Variants in ADCY10 observed in about 807,000 individuals in gnomAD.
ADCY10 encodes the protein adenylate cyclase type 10.
In ADCY10, 156 loss-of-function variants were observed where a neutral mutation model predicts 183.3. The observed-to-expected ratio is 0.85, with a 90% CI of 0.75 to 0.97. The LOEUF (loss-of-function observed/expected upper bound fraction) is 0.97, where lower values mean the gene tolerates loss of function less well. Among genes scored for constraint, ADCY10 ranks in the 50% least tolerant of loss-of-function variants. ADCY10 has a pLI of 0.00. For missense variants in ADCY10, 1,745 were observed against 1,934.3 expected (o/e 0.90, Z 1.84); for synonymous variants, 645 against 670.0 (o/e 0.96, Z 0.58).
chr1:167,829,342 A>G lies in ADCY10; in HGVS notation c.3675T>C (p.Phe1225=). 1.2e-6 allele frequency: 2 copies of G among 1,614,190 alleles called. No homozygotes were observed. The highest frequency in any genetic ancestry group is 2.2e-5 in the South Asian group (2 of 91,078). Residue 1225 remains phenylalanine, a synonymous_variant, in exon 26 of 33, where the codon TTT becomes TTC. Transcript: ENST00000367851. ...LWRIYSYSYL[F]HCKYYAHLAV... Reference sequence around the variant, plus strand: ...CCAGGTGGGCATAATACTTGCAGTGAAAAAGATAACTGTAGCTATAGATGC... The same window carrying G: ...CCAGGTGGGCATAATACTTGCAGTGGAAAAGATAACTGTAGCTATAGATGC...
In ADCY10 at chr1:167,848,121, G is replaced by T. The variant is rs112827184; in HGVS notation, c.2437+240C>A. Among the ~76,000 whole-genome samples the T allele has an allele frequency of 9.9e-5, 15 of 151,664 alleles. 1 individual carries two copies. Among genetic ancestry groups the T allele is most frequent in the Admixed American group, 9.2e-4 (14 of 15,242 alleles). ...CTCACTCTGTCACCCAGGCTGGAGT[G>T]CAGTGGCTCACTGCAACCTCCGCCT... On this transcript the variant is annotated intron_variant, in intron 19 of 32. Transcript: ENST00000367851.
chr1:167,810,306 A>T (rs1662122604), intron 32 of ADCY10, among the ~76,000 whole-genome samples: 1 of 152,198 alleles, frequency 6.6e-6, no homozygotes, highest in Non-Finnish European at 1.5e-5. Flanking sequence ...AGAAAGGCCT[A>T]TGGTGACTGC....
In ADCY10 at chr1:167,856,348, G is replaced by A; in HGVS notation, c.1988C>T (p.Thr663Ile). ...GGACATAATGATGAAGATAGGAAGA[G>A]TCCGGATAAGCTTCTCCATAAATCT... ...SWRFMEKLIRTLPIFIIMSLC... is the reference protein window; with the variant it reads ...SWRFMEKLIRILPIFIIMSLC... The change falls in exon 17 of 33, where the codon ACT becomes ATT. Residue 663 changes from threonine (T) to isoleucine (I), a missense_variant. Physicochemically the swap from Thr to Ile is moderately conservative, Grantham distance 89. Transcript: ENST00000367851. 1.2e-6 allele frequency: 2 copies of A among 1,614,078 alleles called. No individual in the cohort carries two copies. The highest frequency in any genetic ancestry group is 8.5e-7 in the Non-Finnish European group (1 of 1,179,984).
rs554435277 is a variant in ADCY10 at position 167,880,216 on chromosome 1, T to A, written c.1140-25A>T. On this transcript the variant is annotated intron_variant, in intron 10 of 32. Transcript: ENST00000367851. Reference sequence around the variant, plus strand: ...TCTGGTGCAGGGGAGACAAGATTTGTGGGGAAAGAAATAAAGATAATGAGC... The same window carrying A: ...TCTGGTGCAGGGGAGACAAGATTTGAGGGGAAAGAAATAAAGATAATGAGC... 3 of 1,592,478 alleles carry A rather than the reference T, an allele frequency of 1.9e-6. No homozygotes were observed. The Admixed American group carries it at 5.1e-5, about 27-fold the overall frequency.
At chr1:167,833,545 A>G (rs1359773639) in intron 24 of ADCY10, among the ~76,000 whole-genome samples, 2 of 152,212 alleles carry the variant, frequency 1.3e-5, no homozygotes, top group Non-Finnish European at 2.9e-5. Context: ...CAGGAGTTTG[A>G]GACCAGCCTG....
At chr1:167,870,191 A>C (rs1666994496) in intron 14 of ADCY10, 66 bp downstream of exon 14, 1 of 1,564,590 alleles carries the variant, frequency 6.4e-7, no homozygotes, top group African/African-American at 1.4e-5. Context: ...TATAGGAAGG[A>C]GAGGAGCATC....
At position 167,809,649 on chromosome 1, in the gene ADCY10, G is replaced by T. The variant is rs1320676984; in HGVS notation, c.*29C>A. The T allele has an allele frequency of 6.2e-7, 1 of 1,611,512 alleles. No individual in the cohort carries two copies. Among genetic ancestry groups the T allele is most frequent in the Non-Finnish European group, 8.5e-7 (1 of 1,177,616 alleles). On this transcript the variant is annotated 3_prime_UTR_variant, in exon 33 of 33. Transcript: ENST00000367851. The stretch of plus-strand genomic sequence containing the variant: ...TAATAGATAATCACAAGGACATAGT[G>T]CTTATTAAAATCTTTTTTCTTTGAC...
At chr1:167,896,371 A>T (rs1023773966) in intron 7 of ADCY10, among the ~76,000 whole-genome samples, 2 of 152,128 alleles carry the variant, frequency 1.3e-5, no homozygotes, top group African/African-American at 4.8e-5. Context: ...TGTTTGATGG[A>T]TGAGGGAAAG....
At position 167,859,905 on chromosome 1, in the gene ADCY10, A is replaced by G; in HGVS notation, c.1810-12T>C. On this transcript the variant is annotated splice_polypyrimidine_tract_variant and intron_variant, in intron 15 of 32. Coordinates refer to ENST00000367851, the MANE Select transcript of ADCY10 (RefSeq NM_018417.6). ...CGAGAAATAGGGAACTGTACAAAGA[A>G]TTATGAGAATATTGAGTATGGGAAA... The G allele has an allele frequency of 3.8e-6, 6 of 1,592,628 alleles. No individual in the cohort carries two copies. Among genetic ancestry groups the G allele is most frequent in the Non-Finnish European group, 5.2e-6 (6 of 1,160,422 alleles).
At chr1:167,813,174 ATAAACT>A (rs1164468836) in intron 31 of ADCY10, among the ~76,000 whole-genome samples, 2 of 152,196 alleles carry the variant, frequency 1.3e-5, no homozygotes, top group Non-Finnish European at 2.9e-5. Context: ...TCCAAGTAAG[ATAAACT>A]TAAAGAGATA....
At chr1:167,882,534 G>C (rs1362270506) in intron 9 of ADCY10, among the ~76,000 whole-genome samples, 2 of 151,198 alleles carry the variant, frequency 1.3e-5, no homozygotes, top group Non-Finnish European at 2.9e-5. Flanking sequence ...GGGAGCCAGA[G>C]GCAGTCCCCT....
chr1:167,824,548 G>T lies in ADCY10; in HGVS notation c.3980C>A (p.Ala1327Glu). Residue 1327 changes from alanine (A) to glutamate (E), a missense_variant, in exon 28 of 33, where the codon GCA becomes GAA. By Grantham distance (107) the Ala-to-Glu change is moderately radical (BLOSUM62 -1). Coordinates refer to ENST00000367851, the MANE Select transcript of ADCY10 (RefSeq NM_018417.6). ...ELGSRALQMWALLQNPNRHYQ... is the reference protein window; with the variant it reads ...ELGSRALQMWELLQNPNRHYQ... The stretch of plus-strand genomic sequence containing the variant: ...ATGTCGGTTGGGATTCTGGAGCAGT[G>T]CCCACATCTGAAGGGCTCGGGAGCC... 1 of 1,614,184 alleles carries T rather than the reference G, an allele frequency of 6.2e-7. No homozygotes were observed. The highest frequency in any genetic ancestry group is 1.1e-5 in the South Asian group (1 of 91,080).
chr1:167,851,281 G>A (rs1251318578), intron 18 of ADCY10, among the ~76,000 whole-genome samples: 4 of 151,990 alleles, frequency 2.6e-5, no homozygotes, highest in Non-Finnish European at 4.4e-5. Context: ...CAACCTCCCT[G>A]GCTCAAGCAA....
In ADCY10 at chr1:167,902,059, GAAAA is replaced by G. The variant is rs746507234; in HGVS notation, c.254-9_254-6del. Reference sequence around the variant, plus strand: ...CTCCTCCAAAAATCAACACTTCTGAGAAAAAAAAAAAAAATTAAATCAAACCCTG... The same window carrying G: ...CTCCTCCAAAAATCAACACTTCTGAGAAAAAAAAAATTAAATCAAACCCTG... On this transcript the variant is annotated splice_polypyrimidine_tract_variant and splice_region_variant and intron_variant, in intron 3 of 32. Coordinates refer to ENST00000367851, the MANE Select transcript of ADCY10 (RefSeq NM_018417.6). The G allele has an allele frequency of 5.1e-6, 7 of 1,363,468 alleles. No homozygotes were observed. Among genetic ancestry groups the G allele is most frequent in the Non-Finnish European group, 6.1e-6 (6 of 985,658 alleles). 84.5% of individuals were successfully genotyped at this position (1,363,468 alleles called of 1,614,324 possible). A position where few individuals can be genotyped will look rare whatever the true frequency, so the allele number is the denominator to read the frequency against.
At chr1:167,824,413 C>A (rs1663123392) in intron 28 of ADCY10, 63 bp downstream of exon 28, 2 of 1,411,120 alleles carry the variant, frequency 1.4e-6, no homozygotes, top group African/African-American at 1.4e-5. Context: ...TAAAGTTGAA[C>A]CCAGAATACT....
intron 23 of ADCY10, among the ~76,000 whole-genome samples, chr1:167,835,049 T>C (rs1461076603): frequency 6.6e-6 from 1 of 152,184 alleles, no homozygotes; most frequent in Non-Finnish European, 1.5e-5. Flanking sequence ...TATAATTTTA[T>C]ATAAATCTAA....
chr1:167,815,049 T>G (rs918970647), intron 31 of ADCY10, among the ~76,000 whole-genome samples: 10 of 151,920 alleles, frequency 6.6e-5, no homozygotes, highest in African/African-American at 2.4e-4. Context: ...CACTTGAACC[T>G]AGGAGACGGA....
chr1:167,872,079 C>T (rs1667143601), intron 13 of ADCY10, among the ~76,000 whole-genome samples: 1 of 152,096 alleles, frequency 6.6e-6, no homozygotes, highest in Non-Finnish European at 1.5e-5. Flanking sequence ...CGGTGGCTCA[C>T]GCCTGTAATC....
At chr1:167,885,930 C>T (rs980510759) in intron 8 of ADCY10, among the ~76,000 whole-genome samples, 1 of 151,890 alleles carries the variant, frequency 6.6e-6, no homozygotes, top group Non-Finnish European at 1.5e-5. Context: ...AGACCTTTTA[C>T]CCATTTTTTA....
Sources: gnomAD v4.1 joint callset for allele counts (sites outside exome capture counted in the v4.1 genomes callset) on GRCh38, gnomAD v4.1.1 for gene constraint, MANE v1.5 for transcripts, NCBI Gene and HGNC (gene_info 2026-07-23, HGNC 2026-07-21) for gene names.